Variants in NRG1 observed in about 807,000 individuals in gnomAD.
NRG1 encodes the protein neuregulin 1.
In NRG1, 18 loss-of-function variants were observed where a neutral mutation model predicts 63.8. The observed-to-expected ratio is 0.28, with a 90% CI of 0.19 to 0.42. The LOEUF is 0.42. Among genes scored for constraint, NRG1 ranks in the 10% least tolerant of loss-of-function variants. NRG1 has a pLI of 1.00. For synonymous variants in NRG1, 302 were observed against 301.3 expected, an observed-to-expected ratio of 1.00 and a Z score of -0.02; for missense variants, 762 against 814.7, an observed-to-expected ratio of 0.94 and a Z score of 0.79.
At chr8:32,121,535 G>C (rs1323446740) in intron 1 of NRG1, among the ~76,000 whole-genome samples, 4 of 151,728 alleles carry the variant, frequency 2.6e-5, no homozygotes, top group Non-Finnish European at 4.4e-5. Flanking sequence ...TTTAACTTTT[G>C]TGTTGAAAAA....
At chr8:32,327,134 G>A (rs1195568108) in intron 1 of NRG1, among the ~76,000 whole-genome samples, 1 of 152,152 alleles carries the variant, frequency 6.6e-6, no homozygotes, top group African/African-American at 2.4e-5. Flanking sequence ...GTGTGGGGCT[G>A]GCACAGAGAT....
intron 1 of NRG1, among the ~76,000 whole-genome samples, chr8:31,852,070 C>A (rs1354274737): frequency 1.3e-5 from 2 of 150,980 alleles, no homozygotes; most frequent in African/African-American, 2.4e-5. Flanking sequence ...AATAAACATA[C>A]GTGTGCATGT....
In NRG1 at chr8:32,668,930, G is replaced by A. The variant is rs1283691093; in HGVS notation, c.502+52045G>A. On this transcript the variant is annotated intron_variant, in intron 5 of 11. Transcript: ENST00000356819. ...TAACGGATTTTCTTTTGGTTGTGTC[G>A]AATAGAATTGTTTCCTTGATGTTCC... Among the ~76,000 whole-genome samples the A allele has an allele frequency of 6.6e-5, 10 of 152,024 alleles. No individual in the cohort carries two copies. The East Asian group carries it at 9.6e-4, about 15-fold the overall frequency.
intron 1 of NRG1, among the ~76,000 whole-genome samples, chr8:31,853,147 G>A (rs541709617): frequency 6.6e-6 from 1 of 152,238 alleles, no homozygotes; most frequent in African/African-American, 2.4e-5. Context: ...ATTCTGTGAA[G>A]AAAGTCATTG....
intron 1 of NRG1, among the ~76,000 whole-genome samples, chr8:31,984,363 G>A (rs1809681499): frequency 6.6e-6 from 1 of 151,840 alleles, no homozygotes; most frequent in Non-Finnish European, 1.5e-5. Flanking sequence ...CCATCTTAAT[G>A]ATTGTGGATT....
exon 9 of NRG1, chr8:32,756,446 C>A (rs374927811): frequency 1.9e-6 from 3 of 1,613,798 alleles, no homozygotes; most frequent in South Asian, 2.2e-5. Flanking sequence ...GCAGAGCCTT[C>A]GGTCTGAACG....
At chr8:32,018,258 A>T (rs924606336) in intron 1 of NRG1, among the ~76,000 whole-genome samples, 2 of 152,200 alleles carry the variant, frequency 1.3e-5, no homozygotes, top group African/African-American at 4.8e-5. Flanking sequence ...AATTAAGAAG[A>T]ACATCGAGGG....
chr8:31,871,531 C>T (rs1000608831), intron 1 of NRG1, among the ~76,000 whole-genome samples: 2 of 152,112 alleles, frequency 1.3e-5, no homozygotes, highest in African/African-American at 4.8e-5. Context: ...GAGAGGGTCA[C>T]TCCACCATGT....
At chr8:31,765,782 T>C (rs751956025) in intron 1 of NRG1, among the ~76,000 whole-genome samples, 2 of 152,136 alleles carry the variant, frequency 1.3e-5, no homozygotes, top group Non-Finnish European at 2.9e-5. Context: ...TACTCCTGGC[T>C]CTTTTATCAG....
chr8:31,767,053 G>A (rs17601950), intron 1 of NRG1, among the ~76,000 whole-genome samples: 22,984 of 152,146 alleles, frequency 0.15, 1,890 homozygotes, highest in Admixed American at 0.21. Flanking sequence ...TATCCTAAAG[G>A]GAGAAAGCAG....
At chr8:32,315,115 G>A (rs1162732489) in intron 1 of NRG1, among the ~76,000 whole-genome samples, 2 of 152,172 alleles carry the variant, frequency 1.3e-5, no homozygotes, top group South Asian at 2.1e-4. Flanking sequence ...GGATACATGT[G>A]CAGGACGTGC....
intron 2 of NRG1, among the ~76,000 whole-genome samples, chr8:32,596,709 A>G (rs1462090748): frequency 6.6e-6 from 1 of 152,212 alleles, no homozygotes; most frequent in Non-Finnish European, 1.5e-5. Flanking sequence ...AGCTCAGTGA[A>G]TACTTAGATT....
At chr8:31,871,839 T>TA (rs1042478063) in intron 1 of NRG1, among the ~76,000 whole-genome samples, 2 of 152,218 alleles carry the variant, frequency 1.3e-5, no homozygotes, top group African/African-American at 4.8e-5. Context: ...TTTTCCTTTA[T>TA]AAAAAATTGA....
intron 1 of NRG1, among the ~76,000 whole-genome samples, chr8:31,713,241 C>T (rs981221744): frequency 5.3e-5 from 8 of 151,484 alleles, no homozygotes; most frequent in East Asian, 2.0e-4. Flanking sequence ...CTCAGCCTCC[C>T]GAGTAGCTGG....
chr8:32,614,313 T>G (rs1336101005), intron 3 of NRG1: 1 of 457,606 alleles, frequency 2.2e-6, no homozygotes, highest in South Asian at 5.0e-5. Context: ...TTTTATGCTC[T>G]TTGCATAAGA....
chr8:32,394,521 A>G (rs1025113550), intron 1 of NRG1, among the ~76,000 whole-genome samples: 3 of 152,166 alleles, frequency 2.0e-5, no homozygotes, highest in Admixed American at 6.6e-5. Flanking sequence ...TACAAAGTCA[A>G]TCTGGGGCTG....
At chr8:32,609,179 C>G (rs548427850) in intron 3 of NRG1, among the ~76,000 whole-genome samples, 1 of 152,190 alleles carries the variant, frequency 6.6e-6, no homozygotes, top group Non-Finnish European at 1.5e-5. Context: ...GAGGAGATAC[C>G]CTTTTTGCTC....
intron 1 of NRG1, among the ~76,000 whole-genome samples, chr8:32,307,104 C>A (rs563854571): frequency 6.6e-6 from 1 of 152,076 alleles, no homozygotes; most frequent in African/African-American, 2.4e-5. Flanking sequence ...TATCTTAAAC[C>A]GCCCATGTGT....
In NRG1 at chr8:32,117,494, G is replaced by A. The variant is rs185072067; in HGVS notation, c.37+478063G>A. 3.3e-5 allele frequency among the ~76,000 whole-genome samples: 5 copies of A among 152,050 alleles called. No individual in the cohort carries two copies. In the East Asian group the frequency reaches 9.7e-4, roughly 30 times the overall value. The stretch of plus-strand genomic sequence containing the variant: ...AATGCCCCCCATTAACATAAGGGTA[G>A]CCATGACTTGAACCCACCCCACTGG... On this transcript the variant is annotated intron_variant, in intron 1 of 10. Transcript: ENST00000519301.
Sources: allele counts gnomAD v4.1 joint callset (sites outside exome capture counted in the v4.1 genomes callset), GRCh38; gene constraint gnomAD v4.1.1; transcripts MANE v1.5; gene names NCBI Gene and HGNC (gene_info 2026-07-23, HGNC 2026-07-21).